LIAS: variants seen among roughly 807,000 people sequenced by gnomAD.
The protein encoded by LIAS is lipoic acid synthetase.
A neutral mutation model predicts 49.4 loss-of-function variants in LIAS; 36 were observed. The observed-to-expected ratio is 0.73, with a 90% CI of 0.56 to 0.96. The LOEUF is 0.96. Among genes scored for constraint, LIAS ranks in the 40% least tolerant of loss-of-function variants. The probability of loss-of-function intolerance (pLI) is 0.00; values close to 1 mark genes in which losing one functional copy is unlikely to be tolerated. For synonymous variants in LIAS, 145 were observed against 155.8 expected (o/e 0.93, Z 0.52); for missense variants, 399 against 456.3 (o/e 0.87, Z 1.14).
chr4:39,477,459 G>T lies in LIAS; in HGVS notation c.*344G>T, dbSNP rs888023369. ...CAGGAGAATCACTTGAACCTGGGAG[G>T]GGGAGGTTGCAGTGAGCCAAGATCG... On this transcript the variant is annotated 3_prime_UTR_variant, in exon 11 of 11. Coordinates refer to ENST00000640888, the MANE Select transcript of LIAS (RefSeq NM_006859.4). 2.0e-5 allele frequency: 4 copies of T among 199,472 alleles called. No homozygotes were observed. The highest frequency in any genetic ancestry group is 4.0e-5 in the Non-Finnish European group (4 of 99,902). 12.4% of individuals were successfully genotyped at this position (199,472 alleles called of 1,614,324 possible).
intron 9 of LIAS, 23 bp downstream of exon 9, chr4:39,471,329 T>C (rs1208786406): frequency 9.0e-7 from 1 of 1,115,168 alleles, no homozygotes; most frequent in Non-Finnish European, 1.2e-6. Flanking sequence ...TGATTTGCTT[T>C]TTTTTTTTTT....
At chr4:39,472,667 A>T (rs1203369766) in intron 9 of LIAS, among the ~76,000 whole-genome samples, 1 of 152,218 alleles carries the variant, frequency 6.6e-6, no homozygotes, top group Non-Finnish European at 1.5e-5. Context: ...CCATTCATTC[A>T]AGAAGCTTGT....
At chr4:39,460,030 T>C (rs6531718) in intron 1 of LIAS, among the ~76,000 whole-genome samples, 37,373 of 152,064 alleles carry the variant, frequency 0.25, 5,236 homozygotes, top group African/African-American at 0.38. Flanking sequence ...CTGAAACTAA[T>C]TGGGCATTAT....
chr4:39,478,770 CAG>C lies in LIAS; in HGVS notation c.*1657_*1658del, dbSNP rs1370625433. 3 of 152,176 alleles carry C rather than the reference CAG, an allele frequency of 2.0e-5. No homozygotes were observed. The highest frequency in any genetic ancestry group is 7.2e-5 in the African/African-American group (3 of 41,430). The allele number at this position is 152,176 out of a possible 1,614,324, so 9.4% of individuals were successfully genotyped here. On this transcript the variant is annotated 3_prime_UTR_variant, in exon 11 of 11. Coordinates refer to ENST00000640888, the MANE Select transcript of LIAS (RefSeq NM_006859.4). ...ATTTCCTTCCAAAATACTAATAACT[CAG>C]ATTCATCTTTTGACTGAATCCTGCC...
intron 10 of LIAS, 36 bp downstream of exon 10, chr4:39,473,247 C>A: frequency 7.8e-7 from 1 of 1,274,368 alleles, no homozygotes; most frequent in Non-Finnish European, 1.1e-6. Context: ...TCATTTAGGC[C>A]GTTAACTTTC....
In LIAS at chr4:39,459,255, C is replaced by T. The variant is rs577055481; in HGVS notation, c.45+93C>T. The T allele has an allele frequency of 4.3e-6, 5 of 1,167,738 alleles. No individual in the cohort carries two copies. The South Asian group carries it at 7.0e-5, about 16-fold the overall frequency. The allele number at this position is 1,167,738 out of a possible 1,614,324, so 72.3% of individuals were successfully genotyped here. On this transcript the variant is annotated intron_variant, in intron 1 of 10. Transcript: ENST00000640888. ...CCAATAATAAAGGCCAGTGCATTTA[C>T]TGAACATTTACTACTAGCCAACGGC... is the stretch of plus-strand genomic sequence containing the variant.
intron 8 of LIAS, 77 bp downstream of exon 8, chr4:39,470,241 T>G: frequency 7.8e-7 from 1 of 1,275,216 alleles, no homozygotes; most frequent in East Asian, 2.4e-5. Flanking sequence ...TTGAAGGCCC[T>G]TCTAAGAACA....
intron 9 of LIAS, among the ~76,000 whole-genome samples, chr4:39,472,177 T>A (rs1023818813): frequency 1.1e-4 from 16 of 151,578 alleles, no homozygotes; most frequent in Non-Finnish European, 1.9e-4. Context: ...TATGATAAAG[T>A]CAGCTAGAGA....
chr4:39,461,128 GA>G (rs1034652474), intron 2 of LIAS, among the ~76,000 whole-genome samples, 166 bp downstream of exon 2: 7 of 152,212 alleles, frequency 4.6e-5, no homozygotes, highest in Admixed American at 4.6e-4. Flanking sequence ...GTAAGCAGAT[GA>G]AATTTTTGGA....
At chr4:39,469,947 C>G in intron 7 of LIAS, 72 bp from the exon 8 acceptor site, 1 of 1,399,408 alleles carries the variant, frequency 7.1e-7, no homozygotes, top group Non-Finnish European at 9.9e-7. Context: ...TCTGGTCTTT[C>G]AGGTTGCTTG....
At chr4:39,475,362 C>T (rs1362438931) in intron 10 of LIAS, 1 of 150,502 alleles carries the variant, frequency 6.6e-6, no homozygotes, top group Non-Finnish European at 1.5e-5. Context: ...GTCTGGGCAA[C>T]AGAGCAAGAC....
rs545801087 is a variant in LIAS at position 39,465,392 on chromosome 4, G to A, written c.608+50G>A. 10 of 1,513,150 alleles carry A rather than the reference G, an allele frequency of 6.6e-6. No individual in the cohort carries two copies. In the African/African-American group the frequency reaches 1.3e-4, roughly 19 times the overall value. 93.7% of individuals were successfully genotyped at this position (1,513,150 alleles called of 1,614,324 possible). ...TTTAAGGACCTTTTTGGACCCATAT[G>A]AGTTAAGTTTAAGTTCATTACCTTG... On this transcript the variant is annotated intron_variant, in intron 6 of 10. Coordinates refer to ENST00000640888, the MANE Select transcript of LIAS (RefSeq NM_006859.4).
Position 39,467,642 on chromosome 4 carries a change from CA to C in LIAS, c.734del (p.Gln245ArgfsTer18). ...TAATGTAGAAACAGTCCCGGAATTA[CA>C]GAGGTGAATACGTGTACAAAGTAAT... ...AHNVETVPELQSKVRDPRANF... is the reference protein window; with the variant it reads ...AHNVETVPELXSKVRDPRANF... On this transcript the variant is annotated frameshift_variant, in exon 7 of 11. Coordinates refer to ENST00000640888, the MANE Select transcript of LIAS (RefSeq NM_006859.4). LOFTEE classifies it high-confidence loss of function. The C allele has an allele frequency of 6.3e-7, 1 of 1,577,758 alleles. No homozygotes were observed. The highest frequency in any genetic ancestry group is 8.6e-7 in the Non-Finnish European group (1 of 1,160,480).
Position 39,460,809 on chromosome 4 carries a change from G to A in LIAS, c.65G>A (p.Cys22Tyr). 1 of 1,574,494 alleles carries A rather than the reference G, an allele frequency of 6.4e-7. No individual in the cohort carries two copies. The highest frequency in any genetic ancestry group is 1.7e-4 in the Middle Eastern group (1 of 5,890). ...CTTTAGGTATTTGGGAGATATTTTT[G>A]CAGCCCAGTCAGACCGTTAAGCTCC... ...LGPRVFGRYF[C>Y]SPVRPLSSLP... The change falls in exon 2 of 11, where the codon TGC (cysteine) becomes TAC (tyrosine). Residue 22 changes from cysteine (C) to tyrosine (Y), a missense_variant. Around this residue, in one of 3 missense-constraint regions of LIAS, gnomAD observed 159 missense variants for 147.6 expected, o/e 1.08. Transcript: ENST00000640888.
In LIAS at chr4:39,465,413, CCT is replaced by C; in HGVS notation, c.608+72_608+73del. On this transcript the variant is annotated intron_variant, in intron 6 of 10. Transcript: ENST00000640888. ...ATATGAGTTAAGTTTAAGTTCATTA[CCT>C]TGAAACAGGGATTATTCACTTTTTG... The C allele has an allele frequency of 2.4e-6, 3 of 1,269,450 alleles. No homozygotes were observed. The South Asian group carries it at 4.3e-5, about 18-fold the overall frequency. 78.6% of individuals were successfully genotyped at this position (1,269,450 alleles called of 1,614,324 possible).
chr4:39,467,683 C>A, intron 7 of LIAS, 37 bp downstream of exon 7: 1 of 1,462,578 alleles, frequency 6.8e-7, no homozygotes, highest in Non-Finnish European at 9.1e-7. Context: ...GGAAGTTAGG[C>A]GGGTCAAAAT....
chr4:39,461,833 T>A (rs1744511853), intron 2 of LIAS, among the ~76,000 whole-genome samples: 1 of 152,220 alleles, frequency 6.6e-6, no homozygotes, highest in Non-Finnish European at 1.5e-5. Flanking sequence ...TAGCTGGGAC[T>A]ACAGGCGCCT....
intron 2 of LIAS, among the ~76,000 whole-genome samples, chr4:39,461,726 GCT>G (rs1744505686): frequency 6.6e-6 from 1 of 152,142 alleles, no homozygotes; most frequent in South Asian, 2.1e-4. Flanking sequence ...AGACAGTCTT[GCT>G]CTGTCACCCA....
chr4:39,476,973 G>C (rs1745214950), intron 10 of LIAS, 90 bp from the exon 11 acceptor site: 5 of 843,114 alleles, frequency 5.9e-6, no homozygotes, highest in Non-Finnish European at 9.2e-6. Context: ...TTCTTTAAAG[G>C]GGGAACACCA....
Sources: gnomAD v4.1 joint callset for allele counts (sites outside exome capture counted in the v4.1 genomes callset) on GRCh38, gnomAD v4.1.1 for gene constraint, gnomAD v4.1.1 regional missense constraint, MANE v1.5 for transcripts, NCBI Gene and HGNC (gene_info 2026-07-23, HGNC 2026-07-21) for gene names.